The following SLC5A8 variants were observed in gnomAD, a reference collection of about 807,000 sequenced individuals.
The protein encoded by SLC5A8 is sodium-coupled monocarboxylate transporter 1.
In SLC5A8, 55 loss-of-function variants were observed where a neutral mutation model predicts 71.9. That is an observed-to-expected ratio of 0.77 (90% confidence interval 0.62 to 0.96). SLC5A8 has a LOEUF of 0.96. SLC5A8 is among the 40% of genes least tolerant of loss of function. The pLI, the probability that SLC5A8 is intolerant of heterozygous loss-of-function variation, is 0.00. For missense variants in SLC5A8, 701 were observed against 745.3 expected (o/e 0.94, Z 0.69); for synonymous variants, 307 against 276.1 (o/e 1.11, Z -1.11).
intron 3 of SLC5A8, chr12:101,199,271 A>T (rs1246416502): frequency 6.6e-6 from 1 of 151,958 alleles, no homozygotes; most frequent in Non-Finnish European, 1.5e-5. Context: ...TCCTTTTTTA[A>T]AAAATATGGA....
chr12:101,202,459 C>A (rs965751160), intron 2 of SLC5A8, among the ~76,000 whole-genome samples: 2 of 151,968 alleles, frequency 1.3e-5, no homozygotes, highest in Non-Finnish European at 2.9e-5. Flanking sequence ...TGTAAAAATA[C>A]GGACTTTTAT....
Position 101,202,231 on chromosome 12 carries a change from A to C in SLC5A8, c.418-16T>G, listed in dbSNP as rs202110439. Reference sequence around the variant, plus strand: ...TATACAGAATCTAGGGGGGAGAAAGAAAGCCAAATGAATTATATGAATTAT... The same window carrying C: ...TATACAGAATCTAGGGGGGAGAAAGCAAGCCAAATGAATTATATGAATTAT... On this transcript the variant is annotated splice_polypyrimidine_tract_variant and intron_variant, in intron 2 of 14. Coordinates refer to ENST00000536262, the MANE Select transcript of SLC5A8 (RefSeq NM_145913.5). 6.4e-7 allele frequency: 1 copy of C among 1,551,788 alleles called. No homozygotes were observed. Among genetic ancestry groups the C allele is most frequent in the Admixed American group, 2.1e-5 (1 of 48,392 alleles).
At chr12:101,189,195 G>T (rs1392821350) in intron 6 of SLC5A8, among the ~76,000 whole-genome samples, 1 of 152,160 alleles carries the variant, frequency 6.6e-6, no homozygotes, top group Non-Finnish European at 1.5e-5. Context: ...TCTGGGAGAG[G>T]TATCAGCTCT....
chr12:101,157,529 A>C (rs551968631), intron 14 of SLC5A8, 128 bp from the exon 15 acceptor site: 75 of 1,149,630 alleles, frequency 6.5e-5, no homozygotes, highest in Middle Eastern at 2.8e-4. Flanking sequence ...AGGGAGAGAA[A>C]TATATAACAG....
chr12:101,160,903 T>C (rs542966251), intron 13 of SLC5A8, among the ~76,000 whole-genome samples: 1 of 152,082 alleles, frequency 6.6e-6, no homozygotes, highest in South Asian at 2.1e-4. Context: ...CAGAAAATTA[T>C]TAAAAATAGA....
At chr12:101,182,396 G>A (rs1162539548) in intron 9 of SLC5A8, among the ~76,000 whole-genome samples, 1 of 152,226 alleles carries the variant, frequency 6.6e-6, no homozygotes, top group Non-Finnish European at 1.5e-5. Context: ...CAGAAAAAGT[G>A]TGGCTCTTGG....
chr12:101,182,930 A>G lies in SLC5A8; in HGVS notation c.1053-15T>C. On this transcript the variant is annotated splice_polypyrimidine_tract_variant and intron_variant, in intron 8 of 14. Transcript: ENST00000536262. ...AGGACACTGTGCTGTAAGGGAAAAT[A>G]AAACTTTTGATTTATAATATTTTAC... 5 of 1,437,382 alleles carry G rather than the reference A, an allele frequency of 3.5e-6. No homozygotes were observed. Among genetic ancestry groups the G allele is most frequent in the Non-Finnish European group, 3.7e-6 (4 of 1,074,542 alleles). The allele number at this position is 1,437,382 out of a possible 1,614,324, so 89.0% of individuals were successfully genotyped here.
At chr12:101,174,130 C>T (rs574099941) in intron 10 of SLC5A8, among the ~76,000 whole-genome samples, 6 of 152,204 alleles carry the variant, frequency 3.9e-5, no homozygotes, top group Non-Finnish European at 8.8e-5. Flanking sequence ...TTGATCAGAA[C>T]CAGTCCCCAG....
chr12:101,166,852 C>T (rs1366953324), intron 11 of SLC5A8, among the ~76,000 whole-genome samples, 153 bp from the exon 12 acceptor site: 1 of 152,000 alleles, frequency 6.6e-6, no homozygotes, highest in African/African-American at 2.4e-5. Flanking sequence ...TAGTGCTCAG[C>T]CCATAAAAAT....
At chr12:101,204,777 A>G (rs1364343610) in intron 1 of SLC5A8, among the ~76,000 whole-genome samples, 1 of 152,178 alleles carries the variant, frequency 6.6e-6, no homozygotes, top group African/African-American at 2.4e-5. Flanking sequence ...ACACTGATTC[A>G]TGTAACCCCT....
Position 101,190,555 on chromosome 12 carries a change from C to T in SLC5A8, c.746G>A (p.Gly249Glu), listed in dbSNP as rs919608256. The change falls in exon 6 of 15, where the codon GGG becomes GAG. Residue 249 changes from glycine (G) to glutamate (E), a missense_variant. Coordinates refer to ENST00000536262, the MANE Select transcript of SLC5A8 (RefSeq NM_145913.5). The part of the protein sequence containing the change: ...RHTFWTIIIG[G>E]TFTWTSIYGV... ...GTAGATGCTGGTCCATGTGAAGGTC[C>T]CTCCTATAATAATTGTCCAGAAGGT... 3.1e-6 allele frequency: 5 copies of T among 1,612,678 alleles called. No individual in the cohort carries two copies. The South Asian group carries it at 4.4e-5, about 14-fold the overall frequency.
At chr12:101,177,661 T>C (rs567950883) in intron 10 of SLC5A8, among the ~76,000 whole-genome samples, 1 of 152,160 alleles carries the variant, frequency 6.6e-6, no homozygotes, top group Non-Finnish European at 1.5e-5. Flanking sequence ...CCAATCAATG[T>C]AATCCATCCT....
chr12:101,180,921 A>G (rs1353076755), intron 9 of SLC5A8, among the ~76,000 whole-genome samples: 1 of 152,080 alleles, frequency 6.6e-6, no homozygotes, highest in Non-Finnish European at 1.5e-5. Flanking sequence ...TTTTCTATTG[A>G]CTTTCAGTAT....
At chr12:101,177,495 A>C (rs372401284) in intron 10 of SLC5A8, among the ~76,000 whole-genome samples, 28 of 151,868 alleles carry the variant, frequency 1.8e-4, no homozygotes, top group African/African-American at 6.8e-4. Context: ...ATGCACACAC[A>C]CACACCACTA....
Position 101,156,545 on chromosome 12 carries a change from A to G in SLC5A8, c.*734T>C, listed in dbSNP as rs2051663895. On this transcript the variant is annotated 3_prime_UTR_variant, in exon 15 of 15. Coordinates refer to ENST00000536262, the MANE Select transcript of SLC5A8 (RefSeq NM_145913.5). ...AGAGTGCACAATAAAACCCAAGTTG[A>G]TAGGTCAGAAACTGGGCATGCAGAT... 6.6e-6 allele frequency: 1 copy of G among 152,216 alleles called. No individual in the cohort carries two copies. Among genetic ancestry groups the G allele is most frequent in the South Asian group, 2.1e-4 (1 of 4,832 alleles). The allele number at this position is 152,216 out of a possible 1,614,324, so 9.4% of individuals were successfully genotyped here.
At chr12:101,157,698 TAGAC>T (rs1566302650) in intron 14 of SLC5A8, among the ~76,000 whole-genome samples, 1 of 151,868 alleles carries the variant, frequency 6.6e-6, no homozygotes, top group Non-Finnish European at 1.5e-5. Context: ...TATCAGAGGA[TAGAC>T]AGATATAGAG....
At chr12:101,179,543 T>C (rs949778525) in intron 10 of SLC5A8, among the ~76,000 whole-genome samples, 3 of 152,200 alleles carry the variant, frequency 2.0e-5, no homozygotes, top group Non-Finnish European at 4.4e-5. Context: ...AAAGGTTACA[T>C]TCTATGTAAT....
At chr12:101,164,176 G>A (rs960994956) in intron 12 of SLC5A8, among the ~76,000 whole-genome samples, 1 of 152,044 alleles carries the variant, frequency 6.6e-6, no homozygotes, top group Non-Finnish European at 1.5e-5. Flanking sequence ...AGAGTAAAAA[G>A]GTAACCCATA....
At chr12:101,180,376 A>G (rs2051921012) in intron 9 of SLC5A8, among the ~76,000 whole-genome samples, 1 of 152,250 alleles carries the variant, frequency 6.6e-6, no homozygotes, top group African/African-American at 2.4e-5. Context: ...ATTTAAAACT[A>G]AGAACTATAT....
Sources: allele counts gnomAD v4.1 joint callset (sites outside exome capture counted in the v4.1 genomes callset), GRCh38; gene constraint gnomAD v4.1.1; transcripts MANE v1.5; gene names NCBI Gene and HGNC (gene_info 2026-07-23, HGNC 2026-07-21).